LARP4: variants seen among roughly 807,000 people sequenced by gnomAD.
LARP4 encodes the protein la-related protein 4.
A neutral mutation model predicts 92.9 loss-of-function variants in LARP4; 29 were observed. The observed-to-expected ratio is 0.31, with a 90% confidence interval of 0.23 to 0.43. LARP4 has a LOEUF of 0.43. LARP4 is among the 20% of genes least tolerant of loss of function. The pLI is 1.00. For missense variants in LARP4, 732 were observed against 860.0 expected, an observed-to-expected ratio of 0.85 and a Z score of 1.86; for synonymous variants, 279 against 284.1, an observed-to-expected ratio of 0.98 and a Z score of 0.18.
chr12:50,465,330 C>T (rs1261963200), intron 12 of LARP4, among the ~76,000 whole-genome samples: 1 of 149,752 alleles, frequency 6.7e-6, no homozygotes, highest in East Asian at 2.0e-4. Flanking sequence ...TGAGATCATG[C>T]CACTGCACTC....
At chr12:50,446,887 C>T (rs1952296753) in intron 8 of LARP4, among the ~76,000 whole-genome samples, 1 of 152,004 alleles carries the variant, frequency 6.6e-6, no homozygotes, top group Non-Finnish European at 1.5e-5. Flanking sequence ...CAAGGTTGGC[C>T]ATAATTGATT....
chr12:50,426,747 T>C (rs993253834), intron 1 of LARP4, among the ~76,000 whole-genome samples: 4 of 144,868 alleles, frequency 2.8e-5, no homozygotes, highest in East Asian at 4.0e-4. Context: ...TTTTTTTTTT[T>C]TTTTCTTTTT....
chr12:50,438,484 C>T (rs1026708372), intron 6 of LARP4, among the ~76,000 whole-genome samples: 17 of 98,578 alleles, frequency 1.7e-4, no homozygotes, highest in Admixed American at 3.6e-4. Context: ...GAGTGAGACT[C>T]TTTGTCTCAA....
At chr12:50,408,187 CTTTTTTTT>C (rs71083565) in intron 1 of LARP4, among the ~76,000 whole-genome samples, 1 of 69,262 alleles carries the variant, frequency 1.4e-5, no homozygotes, top group African/African-American at 6.2e-5. Context: ...GGATTTTCTG[CTTTTTTTT>C]TTTTTTTTTT....
intron 6 of LARP4, among the ~76,000 whole-genome samples, chr12:50,438,234 C>T (rs1172405006): frequency 1.3e-5 from 2 of 152,166 alleles, no homozygotes; most frequent in East Asian, 3.8e-4. Flanking sequence ...CGGGGTGGCT[C>T]ATGCCTGTAA....
At chr12:50,407,619 T>A (rs1945092291) in intron 1 of LARP4, among the ~76,000 whole-genome samples, 1 of 151,936 alleles carries the variant, frequency 6.6e-6, no homozygotes. Flanking sequence ...CCGAGGCAAG[T>A]GGATCACTTG....
At chr12:50,406,815 C>T (rs1592718628) in intron 1 of LARP4, among the ~76,000 whole-genome samples, 1 of 151,288 alleles carries the variant, frequency 6.6e-6, no homozygotes, top group South Asian at 2.1e-4. Context: ...CTCCTGGGTT[C>T]AAGTGATTCT....
intron 5 of LARP4, among the ~76,000 whole-genome samples, chr12:50,436,084 T>TATCCCGCTG: frequency 7.6e-6 from 1 of 132,174 alleles, no homozygotes; most frequent in Non-Finnish European, 1.6e-5. Context: ...TGTGTGTGTG[T>TATCCCGCTG]GTGTGTGTAT....
At chr12:50,448,685 T>C (rs376077424) in intron 8 of LARP4, among the ~76,000 whole-genome samples, 1 of 151,782 alleles carries the variant, frequency 6.6e-6, no homozygotes, top group Non-Finnish European at 1.5e-5. Context: ...CCACCACGCC[T>C]GGCTAATTTT....
At chr12:50,409,851 C>T (rs894134270) in intron 1 of LARP4, among the ~76,000 whole-genome samples, 5 of 150,738 alleles carry the variant, frequency 3.3e-5, no homozygotes, top group Admixed American at 6.6e-5. Context: ...CAGGCTGGAG[C>T]GATCTTGACT....
intron 1 of LARP4, among the ~76,000 whole-genome samples, chr12:50,408,086 G>A (rs1011540587): frequency 5.3e-5 from 8 of 151,254 alleles, no homozygotes; most frequent in Non-Finnish European, 7.4e-5. Flanking sequence ...ATTATTAGGG[G>A]TAGGATGTGA....
chr12:50,427,957 ATGGCCAAGCAAGTTTAC>A (rs769353279), intron 2 of LARP4, 48 bp downstream of exon 2: 6 of 1,091,114 alleles, frequency 5.5e-6, no homozygotes. Context: ...GGTTAAATGT[ATGGCCAAGCAAGTTTAC>A]TGAACTTGAG....
intron 1 of LARP4, among the ~76,000 whole-genome samples, chr12:50,410,989 A>G (rs555292004): frequency 6.6e-6 from 1 of 152,268 alleles, no homozygotes; most frequent in East Asian, 1.9e-4. Flanking sequence ...CTTCCACAGT[A>G]GAGGGCAAGT....
At chr12:50,449,573 C>G (rs1275627709) in intron 8 of LARP4, among the ~76,000 whole-genome samples, 1 of 152,066 alleles carries the variant, frequency 6.6e-6, no homozygotes, top group Non-Finnish European at 1.5e-5. Flanking sequence ...ACCTTGGTAG[C>G]AAGGGTTTGA....
At chr12:50,435,762 C>T in intron 5 of LARP4, 138 bp downstream of exon 5, 4 of 622,476 alleles carry the variant, frequency 6.4e-6, no homozygotes, top group Admixed American at 3.5e-5. Context: ...AATTCTCTCT[C>T]TTTGTTTTTT....
intron 3 of LARP4, among the ~76,000 whole-genome samples, chr12:50,429,518 C>G (rs535942384): frequency 6.6e-6 from 1 of 152,168 alleles, no homozygotes; most frequent in African/African-American, 2.4e-5. Context: ...TGCACTCCAA[C>G]CTGGGTGACA....
At chr12:50,468,530 A>G (rs1459583816) in intron 13 of LARP4, among the ~76,000 whole-genome samples, 1 of 135,062 alleles carries the variant, frequency 7.4e-6, no homozygotes, top group Non-Finnish European at 1.6e-5. Context: ...ATCTCCTGAC[A>G]TCGTGATCCG....
chr12:50,450,709 C>G (rs1953038071), intron 8 of LARP4, among the ~76,000 whole-genome samples: 1 of 152,064 alleles, frequency 6.6e-6, no homozygotes. Flanking sequence ...ACTATGTTGG[C>G]CAGGTTGGTC....
intron 1 of LARP4, among the ~76,000 whole-genome samples, chr12:50,409,446 C>G (rs1396193019): frequency 4.6e-5 from 7 of 152,084 alleles, no homozygotes; most frequent in Non-Finnish European, 1.5e-5. Flanking sequence ...GACAGGAGGA[C>G]TGATTGAGGC....
Sources: allele counts gnomAD v4.1 joint callset (sites outside exome capture counted in the v4.1 genomes callset), GRCh38; gene constraint gnomAD v4.1.1; transcripts MANE v1.5; gene names NCBI Gene and HGNC (gene_info 2026-07-23, HGNC 2026-07-21).